Variants in DPP6 observed in about 807,000 individuals in gnomAD.
DPP6 encodes A-type potassium channel modulatory protein DPP6.
Under a neutral mutation model 122.6 loss-of-function variants are expected in DPP6, and 69 were observed. That is an observed-to-expected ratio of 0.56 (90% confidence interval 0.46 to 0.69). The LOEUF is 0.69. Among genes scored for constraint, DPP6 ranks in the 30% least tolerant of loss-of-function variants. The pLI is 0.00. For missense variants in DPP6, 928 were observed against 1,116.9 expected, an observed-to-expected ratio of 0.83 and a Z score of 2.41; for synonymous variants, 418 against 433.1, an observed-to-expected ratio of 0.97 and a Z score of 0.43.
intron 1 of DPP6, among the ~76,000 whole-genome samples, chr7:154,115,665 G>A (rs1047434182): frequency 6.6e-6 from 1 of 152,162 alleles, no homozygotes; most frequent in Non-Finnish European, 1.5e-5. Flanking sequence ...TGTGTCCATT[G>A]TAGTGGGAAG....
chr7:154,803,812 C>T, intron 13 of DPP6, 52 bp from the exon 14 acceptor site: 3 of 1,583,460 alleles, frequency 1.9e-6, no homozygotes, highest in Admixed American at 3.5e-5. Flanking sequence ...AAGAGCCATG[C>T]TGGGGCCGGG....
At chr7:154,669,574 A>G (rs1838422561) in intron 7 of DPP6, 133 bp downstream of exon 7, 1 of 1,362,820 alleles carries the variant, frequency 7.3e-7, no homozygotes, top group South Asian at 1.6e-5. Flanking sequence ...GTGTAAATTA[A>G]AATCTGGAGA....
rs978025111 is a variant in DPP6 at position 154,755,345 on chromosome 7, C to T, written c.884-14072C>T. On this transcript the variant is annotated intron_variant, in intron 8 of 25. Coordinates refer to ENST00000377770, the MANE Select transcript of DPP6 (RefSeq NM_130797.4). The surrounding 1 kb of genome is among the most constrained non-coding windows in gnomAD (Gnocchi z 4.7). ...TGCACAGGCTCAGAGCCCACAGGTG[C>T]ACACTGGGGTTGTCATGGGAGACAG... Among the ~76,000 whole-genome samples, 4 of 152,206 alleles carry T rather than the reference C, an allele frequency of 2.6e-5. No individual in the cohort carries two copies. In the East Asian group the frequency reaches 7.7e-4, roughly 29 times the overall value.
intron 12 of DPP6, among the ~76,000 whole-genome samples, chr7:154,798,773 T>A (rs751081358): frequency 6.6e-6 from 1 of 152,248 alleles, no homozygotes; most frequent in Non-Finnish European, 1.5e-5. Context: ...TCAAACAGTT[T>A]CTTATGACAT....
At chr7:154,302,841 C>A (rs1374177739) in intron 1 of DPP6, among the ~76,000 whole-genome samples, 1 of 152,192 alleles carries the variant, frequency 6.6e-6, no homozygotes, top group Non-Finnish European at 1.5e-5. Context: ...GGAGACCTGT[C>A]TTCCTCTCGT....
chr7:153,986,885 A>G (rs1796875278), intron 1 of DPP6, among the ~76,000 whole-genome samples: 1 of 151,542 alleles, frequency 6.6e-6, no homozygotes, highest in Non-Finnish European at 1.5e-5. Context: ...ATGGCCCCAG[A>G]AGTAGATACT....
At chr7:153,910,234 C>CTTTTTTCTTTTTCTTT (rs750065238) in intron 1 of DPP6, among the ~76,000 whole-genome samples, 3 of 137,752 alleles carry the variant, frequency 2.2e-5, no homozygotes, top group Admixed American at 7.5e-5. Flanking sequence ...TTCTTTCTTT[C>CTTTTTTCTTTTTCTTT]TTTTTTTTTT....
chr7:154,853,689 A>G (rs528290052), intron 16 of DPP6, 91 bp from the exon 17 acceptor site: 2 of 1,541,012 alleles, frequency 1.3e-6, no homozygotes, highest in South Asian at 1.2e-5. Context: ...ACGTCTATCT[A>G]CGTGGCATAA....
At chr7:154,166,305 G>C (rs1797244280) in intron 1 of DPP6, among the ~76,000 whole-genome samples, 1 of 152,138 alleles carries the variant, frequency 6.6e-6, no homozygotes, top group Non-Finnish European at 1.5e-5. Flanking sequence ...TGGGGAGGGA[G>C]GGCTGTGAAG....
intron 4 of DPP6, among the ~76,000 whole-genome samples, chr7:154,562,160 A>G (rs1187789381): frequency 6.6e-6 from 1 of 152,200 alleles, no homozygotes; most frequent in Non-Finnish European, 1.5e-5. Context: ...ACCACAGATG[A>G]CATTCCCTCA....
At chr7:154,768,188 C>G (rs969199815) in intron 8 of DPP6, among the ~76,000 whole-genome samples, 2 of 152,222 alleles carry the variant, frequency 1.3e-5, no homozygotes, top group East Asian at 3.9e-4. Context: ...CTTCATGAAC[C>G]CTCCTCCCGG....
chr7:154,395,687 T>G (rs1815021112), intron 1 of DPP6, among the ~76,000 whole-genome samples: 1 of 152,174 alleles, frequency 6.6e-6, no homozygotes, highest in African/African-American at 2.4e-5. Flanking sequence ...AATTGTATCA[T>G]GTGTAAACAG....
intron 1 of DPP6, among the ~76,000 whole-genome samples, chr7:154,010,749 C>A (rs922576129): frequency 2.4e-4 from 37 of 152,092 alleles, no homozygotes; most frequent in African/African-American, 8.9e-4. Flanking sequence ...ATTGAAGTGG[C>A]CTAGAGTTTG....
At chr7:154,686,992 T>C (rs1453636678) in intron 7 of DPP6, among the ~76,000 whole-genome samples, 1 of 152,168 alleles carries the variant, frequency 6.6e-6, no homozygotes, top group Non-Finnish European at 1.5e-5. Context: ...TATGTTTCCC[T>C]GCCATTTATG....
chr7:154,737,217 T>C (rs1842609192), intron 8 of DPP6, among the ~76,000 whole-genome samples: 1 of 152,236 alleles, frequency 6.6e-6, no homozygotes, highest in African/African-American at 2.4e-5. Context: ...GAGAGCGCTA[T>C]GAAGAAAGCT....
intron 1 of DPP6, among the ~76,000 whole-genome samples, chr7:154,103,404 G>T (rs969283932): frequency 6.6e-6 from 1 of 152,142 alleles, no homozygotes; most frequent in Admixed American, 6.5e-5. Flanking sequence ...GTATAGGAGG[G>T]GAAATTATAA....
At chr7:154,212,002 T>C (rs570557149) in intron 1 of DPP6, among the ~76,000 whole-genome samples, 4 of 152,106 alleles carry the variant, frequency 2.6e-5, no homozygotes, top group Non-Finnish European at 5.9e-5. Context: ...TCATCTCAGC[T>C]GCCCCTCACT....
intron 1 of DPP6, among the ~76,000 whole-genome samples, chr7:154,259,616 T>A (rs1327694928): frequency 6.6e-6 from 1 of 152,128 alleles, no homozygotes; most frequent in Non-Finnish European, 1.5e-5. Context: ...CTGGCTGTGA[T>A]AAATACTGAG....
rs572527802 is a variant in DPP6 at position 154,322,648 on chromosome 7, C to T, written c.244-123566C>T. ...AGATTCCTGAAACCATAGCAGCATC[C>T]GATAGAACAGAACATTTCCTCGACT... On this transcript the variant is annotated intron_variant, in intron 1 of 25. Coordinates refer to ENST00000377770, the MANE Select transcript of DPP6 (RefSeq NM_130797.4). 2.6e-5 allele frequency among the ~76,000 whole-genome samples: 4 copies of T among 152,170 alleles called. No homozygotes were observed. In the South Asian group the frequency reaches 6.2e-4, roughly 24 times the overall value.
Sources: allele counts gnomAD v4.1 joint callset (sites outside exome capture counted in the v4.1 genomes callset), GRCh38; gene constraint gnomAD v4.1.1; non-coding constraint Gnocchi (gnomAD v3.1); transcripts MANE v1.5; gene names NCBI Gene and HGNC (gene_info 2026-07-23, HGNC 2026-07-21).